Variants in TMED8 observed in about 807,000 individuals in gnomAD.
TMED8 encodes transmembrane p24 trafficking protein family member 8.
In TMED8, 15 loss-of-function variants were observed where a neutral mutation model predicts 32.7. That is an observed-to-expected ratio of 0.46 (90% CI 0.31 to 0.71). TMED8 has a LOEUF of 0.71. Among genes scored for constraint, TMED8 ranks in the 30% least tolerant of loss-of-function variants. The pLI is 0.06. For synonymous variants in TMED8, 147 were observed against 161.4 expected (o/e 0.91, Z 0.68); for missense variants, 390 against 423.9 (o/e 0.92, Z 0.70).
rs373331876 is a variant in TMED8, at chr14:77,351,780, A to G, written c.119-29T>C. On this transcript the variant is annotated intron_variant, in intron 1 of 5. Transcript: ENST00000216468. Reference sequence around the variant, plus strand: ...GAAAACCATAGAAAGAAAGAATTCAATATCTGAGAGGGAATACAATCATAA... The same window carrying G: ...GAAAACCATAGAAAGAAAGAATTCAGTATCTGAGAGGGAATACAATCATAA... 6 of 1,569,162 alleles carry G rather than the reference A, an allele frequency of 3.8e-6. No individual in the cohort carries two copies. The African/African-American group carries it at 4.1e-5, about 11-fold the overall frequency.
intron 1 of TMED8, among the ~76,000 whole-genome samples, chr14:77,366,200 AC>A (rs1893549361): frequency 2.6e-5 from 4 of 152,266 alleles, no homozygotes; most frequent in South Asian, 4.2e-4. Flanking sequence ...TTATTTCAGG[AC>A]CCCAGACGTA....
chr14:77,370,215 G>T (rs1893646533), intron 1 of TMED8, among the ~76,000 whole-genome samples: 1 of 151,426 alleles, frequency 6.6e-6, no homozygotes, highest in African/African-American at 2.4e-5. Context: ...CTCTGTCATT[G>T]ATTAATAATA....
chr14:77,363,140 C>G (rs143311341), intron 1 of TMED8, among the ~76,000 whole-genome samples: 150 of 152,304 alleles, frequency 9.8e-4, no homozygotes, highest in African/African-American at 3.4e-3. Flanking sequence ...ATTTTCCATA[C>G]AACAGTAGCA....
At chr14:77,364,019 G>T (rs1264123281) in intron 1 of TMED8, among the ~76,000 whole-genome samples, 1 of 152,128 alleles carries the variant, frequency 6.6e-6, no homozygotes, top group Non-Finnish European at 1.5e-5. Context: ...TTCTCCACAA[G>T]GATCATCTAT....
chr14:77,348,014 T>C (rs1197648599), intron 2 of TMED8, among the ~76,000 whole-genome samples: 1 of 152,226 alleles, frequency 6.6e-6, no homozygotes, highest in Non-Finnish European at 1.5e-5. Flanking sequence ...ATATGACATG[T>C]GATACCGCAA....
chr14:77,362,004 A>AT lies in TMED8; in HGVS notation c.119-10254dup, dbSNP rs765215246. 5.3e-5 allele frequency among the ~76,000 whole-genome samples: 8 copies of AT among 152,212 alleles called. No individual in the cohort carries two copies. In the South Asian group the frequency reaches 8.3e-4, roughly 16 times the overall value. ...ACTGTAAATTGGGATTATTTTCTTG[A>AT]TTTTTTGGATAGGTTGTTACTGTGT... is the stretch of plus-strand genomic sequence containing the variant. On this transcript the variant is annotated intron_variant, in intron 1 of 5. Transcript: ENST00000216468.
intron 1 of TMED8, among the ~76,000 whole-genome samples, chr14:77,370,953 A>T (rs1893664840): frequency 6.6e-6 from 1 of 152,016 alleles, no homozygotes; most frequent in South Asian, 2.1e-4. Flanking sequence ...TGTCTCAGAA[A>T]AAAAAAAAGG....
chr14:77,345,474 A>G lies in TMED8; in HGVS notation c.327+875T>C, dbSNP rs549099710. ...ATTATTCTAACACATATGCTAATAA[A>G]TGATAGAAACAACCCCATCCCGCCC... On this transcript the variant is annotated intron_variant, in intron 3 of 5. Transcript: ENST00000216468. 3.5e-4 allele frequency among the ~76,000 whole-genome samples: 54 copies of G among 152,226 alleles called. 1 individual carries two copies. The Middle Eastern group carries it at 0.02, about 58-fold the overall frequency.
In TMED8 at chr14:77,341,902, C is replaced by A; in HGVS notation, c.847G>T (p.Asp283Tyr). Reference sequence around the variant, plus strand: ...CCAGCCTGCACGTCTCGGTGGCTGTCCCGCCGGTACACAGGCATGACCTCC... The same window carrying A: ...CCAGCCTGCACGTCTCGGTGGCTGTACCGCCGGTACACAGGCATGACCTCC... The part of the protein sequence containing the change: ...YGEVMPVYRR[D>Y]SHRDVQAGSH... The change falls in exon 6 of 6, where the codon GAC (aspartate) becomes TAC (tyrosine). Residue 283 changes from aspartate (D) to tyrosine (Y), a missense_variant. Transcript: ENST00000216468. 1 of 1,613,618 alleles carries A rather than the reference C, an allele frequency of 6.2e-7. No individual in the cohort carries two copies. Among genetic ancestry groups the A allele is most frequent in the Non-Finnish European group, 8.5e-7 (1 of 1,179,920 alleles).
chr14:77,372,013 G>A (rs1227126665), intron 1 of TMED8, among the ~76,000 whole-genome samples: 1 of 152,150 alleles, frequency 6.6e-6, no homozygotes, highest in African/African-American at 2.4e-5. Context: ...TCAATTAAAT[G>A]TCAATGTCAA....
At chr14:77,346,575 C>A in intron 2 of TMED8, 97 bp from the exon 3 acceptor site, 1 of 1,450,888 alleles carries the variant, frequency 6.9e-7, no homozygotes, top group Non-Finnish European at 9.5e-7. Flanking sequence ...GAGATACCCC[C>A]TGCCCCACCT....
At chr14:77,371,832 G>A (rs1196623089) in intron 1 of TMED8, among the ~76,000 whole-genome samples, 2 of 152,126 alleles carry the variant, frequency 1.3e-5, no homozygotes, top group Admixed American at 6.5e-5. Context: ...AGTATTCCTA[G>A]AAGAGATCAG....
At chr14:77,347,346 G>A (rs115582011) in intron 2 of TMED8, among the ~76,000 whole-genome samples, 4,382 of 152,284 alleles carry the variant, frequency 0.029, 218 homozygotes, top group African/African-American at 0.1. Context: ...CAGCAGATCC[G>A]TTTCATACCC....
intron 3 of TMED8, among the ~76,000 whole-genome samples, chr14:77,345,081 A>C (rs1030010721): frequency 2.0e-5 from 3 of 152,084 alleles, no homozygotes; most frequent in Non-Finnish European, 4.4e-5. Flanking sequence ...TCCACCTCCC[A>C]GGTTCAAGCA....
At chr14:77,361,837 T>G (rs1171775813) in intron 1 of TMED8, among the ~76,000 whole-genome samples, 4 of 152,198 alleles carry the variant, frequency 2.6e-5, no homozygotes, top group African/African-American at 4.8e-5. Flanking sequence ...TAAGCCATGC[T>G]GGAGTGCAGT....
chr14:77,365,939 C>G (rs1239344972), intron 1 of TMED8, among the ~76,000 whole-genome samples: 2 of 152,100 alleles, frequency 1.3e-5, no homozygotes, highest in African/African-American at 4.8e-5. Flanking sequence ...AAGGACCTAA[C>G]TAGTAATGAA....
chr14:77,350,070 CAG>C (rs2139612336), intron 2 of TMED8, among the ~76,000 whole-genome samples: 1 of 152,302 alleles, frequency 6.6e-6, no homozygotes, highest in Non-Finnish European at 1.5e-5. Context: ...TCCTATGACA[CAG>C]TGTCAAGTTT....
In TMED8 at chr14:77,345,637, T is replaced by A. The variant is rs191184752; in HGVS notation, c.327+712A>T. 1.8e-3 allele frequency among the ~76,000 whole-genome samples: 222 copies of A among 125,634 alleles called. 2 individuals carry two copies. The highest frequency in any genetic ancestry group is 2.7e-3 in the Non-Finnish European group (172 of 62,924). The allele number at this position is 125,634 out of a possible 152,430, so 82.4% of individuals were successfully genotyped here. On this transcript the variant is annotated intron_variant, in intron 3 of 5. Coordinates refer to ENST00000216468, the MANE Select transcript of TMED8 (RefSeq NM_213601.3). Reference sequence around the variant, plus strand: ...ACTGCACCATCGCACTGAAGCCGGGTGACAGAGTGAGACCTTTGTCTCAAA... The same window carrying A: ...ACTGCACCATCGCACTGAAGCCGGGAGACAGAGTGAGACCTTTGTCTCAAA...
At position 77,338,874 on chromosome 14, in the gene TMED8, C is replaced by T. The variant is rs1892826130; in HGVS notation, c.*2897G>A. 6.6e-6 allele frequency: 1 copy of T among 152,226 alleles called. No individual in the cohort carries two copies. Among genetic ancestry groups the T allele is most frequent in the South Asian group, 2.1e-4 (1 of 4,828 alleles). 9.4% of individuals were successfully genotyped at this position (152,226 alleles called of 1,614,324 possible). A position where few individuals can be genotyped will look rare whatever the true frequency, so the allele number is the denominator to read the frequency against. ...TAAATATGTCTTCCTTTCTAAAAGG[C>T]CCATCTCTCAACAAAGTGGCAAAAC... On this transcript the variant is annotated 3_prime_UTR_variant, in exon 6 of 6. Coordinates refer to ENST00000216468, the MANE Select transcript of TMED8 (RefSeq NM_213601.3).
Sources: allele counts gnomAD v4.1 joint callset (sites outside exome capture counted in the v4.1 genomes callset), GRCh38; gene constraint gnomAD v4.1.1; transcripts MANE v1.5; gene names NCBI Gene and HGNC (gene_info 2026-07-23, HGNC 2026-07-21).